The following TRIO variants were observed in gnomAD, a reference collection of about 807,000 sequenced individuals.
The protein encoded by TRIO is triple functional domain protein.
In TRIO, 58 loss-of-function variants were observed where a neutral mutation model predicts 351.9. The ratio of observed to expected loss-of-function variants is 0.16; its 90% CI spans 0.13 to 0.21. The LOEUF (loss-of-function observed/expected upper bound fraction) is 0.21, where lower values mean the gene tolerates loss of function less well. TRIO is among the 10% of genes least tolerant of loss of function. TRIO has a pLI of 1.00. For synonymous variants in TRIO, 1,758 were observed against 1,595.7 expected (o/e 1.10, Z -2.42); for missense variants, 3,201 against 4,027.8 (o/e 0.79, Z 5.56).
Position 14,509,400 on chromosome 5 carries a change from G to T in TRIO, c.*978G>T. The T allele has an allele frequency of 2.2e-6, 1 of 462,080 alleles. No homozygotes were observed. Among genetic ancestry groups the T allele is most frequent in the East Asian group, 6.2e-5 (1 of 16,012 alleles). 28.6% of individuals were successfully genotyped at this position (462,080 alleles called of 1,614,324 possible). A position where few individuals can be genotyped will look rare whatever the true frequency, so the allele number is the denominator to read the frequency against. On this transcript the variant is annotated 3_prime_UTR_variant, in exon 57 of 57. Coordinates refer to ENST00000344204, the MANE Select transcript of TRIO (RefSeq NM_007118.4). ...GTTTTGTGTGTGTGTTGGGGTTGGCGGGTGGGTGGGTAGGGTCGTAGCCCT... is the reference window on the plus strand; with the variant it reads ...GTTTTGTGTGTGTGTTGGGGTTGGCTGGTGGGTGGGTAGGGTCGTAGCCCT...
At chr5:14,498,380 G>A in intron 52 of TRIO, 129 bp downstream of exon 52, 1 of 1,506,158 alleles carries the variant, frequency 6.6e-7, no homozygotes, top group Non-Finnish European at 8.9e-7. Flanking sequence ...TTCCGTGAGA[G>A]CCCATTTCAC....
intron 31 of TRIO, among the ~76,000 whole-genome samples, chr5:14,402,430 G>A (rs1159217278): frequency 6.6e-6 from 1 of 152,230 alleles, no homozygotes; most frequent in Non-Finnish European, 1.5e-5. Context: ...CAAGGAGAAA[G>A]TAAAGGAAAC....
At chr5:14,442,004 G>A (rs1185188040) in intron 34 of TRIO, among the ~76,000 whole-genome samples, 1 of 152,184 alleles carries the variant, frequency 6.6e-6, no homozygotes, top group Non-Finnish European at 1.5e-5. Context: ...AAGGCAACAG[G>A]ATACAAAAGA....
intron 1 of TRIO, among the ~76,000 whole-genome samples, chr5:14,237,712 G>A (rs1040885313): frequency 3.9e-5 from 6 of 152,120 alleles, no homozygotes; most frequent in Non-Finnish European, 7.4e-5. Context: ...ATGCCTTAAC[G>A]CCCAGGCTCA....
chr5:14,357,036 A>G (rs544572208), intron 11 of TRIO, among the ~76,000 whole-genome samples: 1 of 152,344 alleles, frequency 6.6e-6, no homozygotes, highest in Non-Finnish European at 1.5e-5. Flanking sequence ...GTATAGACAA[A>G]TGTCAGAACT....
intron 3 of TRIO, among the ~76,000 whole-genome samples, chr5:14,284,164 G>A (rs971679393): frequency 2.0e-5 from 3 of 151,918 alleles, no homozygotes; most frequent in Non-Finnish European, 2.9e-5. Flanking sequence ...TCTTTTTTAG[G>A]GACCTGTGTT....
At chr5:14,287,119 G>T in intron 4 of TRIO, 56 bp downstream of exon 4, 1 of 1,543,620 alleles carries the variant, frequency 6.5e-7, no homozygotes, top group Non-Finnish European at 8.8e-7. Flanking sequence ...TTTACTAAAA[G>T]CTATTGAGGC....
chr5:14,182,305 T>A (rs1789831940), intron 1 of TRIO, among the ~76,000 whole-genome samples: 1 of 152,204 alleles, frequency 6.6e-6, no homozygotes, highest in African/African-American at 2.4e-5. Context: ...CCTTGTTGGT[T>A]CCCTCTTAGC....
intron 34 of TRIO, among the ~76,000 whole-genome samples, chr5:14,452,865 ATATGGTC>A (rs1752938367): frequency 6.6e-6 from 1 of 152,036 alleles, no homozygotes; most frequent in Non-Finnish European, 1.5e-5. Flanking sequence ...GACCAGCAGG[ATATGGTC>A]CTTTCCCTCC....
chr5:14,414,934 G>A (rs1346954793), intron 33 of TRIO, among the ~76,000 whole-genome samples: 1 of 152,136 alleles, frequency 6.6e-6, no homozygotes, highest in African/African-American at 2.4e-5. Context: ...CATTGATTAG[G>A]GAAATTGTTC....
chr5:14,260,220 CA>C (rs1795263729), intron 1 of TRIO, among the ~76,000 whole-genome samples: 1 of 152,192 alleles, frequency 6.6e-6, no homozygotes, highest in Non-Finnish European at 1.5e-5. Flanking sequence ...ATAGATACAG[CA>C]TTTCAATGAA....
chr5:14,497,893 C>T lies in TRIO; in HGVS notation c.8047+19C>T, dbSNP rs375963175. Reference sequence around the variant, plus strand: ...TATGACGGTGAGTTCTGTTCTTTTTCTTCTAGTCCTAGAGATGATTCTAGA... The same window carrying T: ...TATGACGGTGAGTTCTGTTCTTTTTTTTCTAGTCCTAGAGATGATTCTAGA... On this transcript the variant is annotated intron_variant, in intron 51 of 56. Transcript: ENST00000344204. The surrounding 1 kb of genome is among the most constrained non-coding windows in gnomAD (Gnocchi z 4.4). 428 of 1,614,066 alleles carry T rather than the reference C, an allele frequency of 2.7e-4. No individual in the cohort carries two copies. Among genetic ancestry groups the T allele is most frequent in the Non-Finnish European group, 3.4e-4 (400 of 1,180,004 alleles).
At chr5:14,301,200 C>G (rs1001174359) in intron 7 of TRIO, among the ~76,000 whole-genome samples, 1 of 152,016 alleles carries the variant, frequency 6.6e-6, no homozygotes, top group African/African-American at 2.4e-5. Context: ...TCACTGTTCC[C>G]CTCCTCTGCT....
intron 21 of TRIO, among the ~76,000 whole-genome samples, chr5:14,386,768 T>G (rs1249272040): frequency 6.6e-6 from 1 of 152,252 alleles, no homozygotes; most frequent in Non-Finnish European, 1.5e-5. Context: ...ATGAAAGATC[T>G]TTTCTGTGTA....
intron 1 of TRIO, among the ~76,000 whole-genome samples, chr5:14,267,489 A>G (rs1252408040): frequency 6.6e-6 from 1 of 152,200 alleles, no homozygotes; most frequent in Non-Finnish European, 1.5e-5. Flanking sequence ...CCTTTAATGC[A>G]TGAATGAAGA....
At chr5:14,379,357 AC>A (rs1314248642) in intron 20 of TRIO, among the ~76,000 whole-genome samples, 1 of 152,228 alleles carries the variant, frequency 6.6e-6, no homozygotes, top group African/African-American at 2.4e-5. Context: ...CACTTAAGGA[AC>A]AGCTCTTGTT....
chr5:14,147,475 TTAC>T (rs1467899245), intron 1 of TRIO, among the ~76,000 whole-genome samples: 1 of 152,208 alleles, frequency 6.6e-6, no homozygotes, highest in African/African-American at 2.4e-5. Flanking sequence ...GTGGAGGTGC[TTAC>T]ATAAATGCAG....
rs1233132069 is a variant in TRIO, at chr5:14,509,505, A to G, written c.*1083A>G. On this transcript the variant is annotated 3_prime_UTR_variant, in exon 57 of 57. Coordinates refer to ENST00000344204, the MANE Select transcript of TRIO (RefSeq NM_007118.4). ...AAAGTGATTTCATACTCTGAATATA[A>G]AACTGGATAATAGGGTAATGTTTTA... The G allele has an allele frequency of 2.3e-6, 1 of 435,158 alleles. No individual in the cohort carries two copies. Among genetic ancestry groups the G allele is most frequent in the Admixed American group, 2.7e-5 (1 of 36,454 alleles). The allele number at this position is 435,158 out of a possible 1,614,324, so 27.0% of individuals were successfully genotyped here. A position where few individuals can be genotyped will look rare whatever the true frequency, so the allele number is the denominator to read the frequency against.
rs760522101 is a variant in TRIO, at chr5:14,487,978, G to A, written c.7350G>A (p.Arg2450=). ...GCACCCTGCCGCTTGGGAAGCCCCG[G>A]GCCGGGGCCGCTTCGCCGCTGAACT... ...SLGTLPLGKP[R]AGAASPLNSP... The change falls in exon 48 of 57, where the codon CGG becomes CGA. Residue 2450 remains arginine (R), a synonymous_variant. Transcript: ENST00000344204. 544 of 1,555,400 alleles carry A rather than the reference G, an allele frequency of 3.5e-4. No individual in the cohort carries two copies. The highest frequency in any genetic ancestry group is 4.4e-4 in the Non-Finnish European group (511 of 1,150,632).
Sources: allele counts gnomAD v4.1 joint callset (sites outside exome capture counted in the v4.1 genomes callset), GRCh38; gene constraint gnomAD v4.1.1; non-coding constraint Gnocchi (gnomAD v3.1); transcripts MANE v1.5; gene names NCBI Gene and HGNC (gene_info 2026-07-23, HGNC 2026-07-21).